EPHA6: variants seen among roughly 807,000 people sequenced by gnomAD.
EPHA6 encodes the protein EPH receptor A6.
Under a neutral mutation model 112.0 loss-of-function variants are expected in EPHA6, and 50 were observed. That is an observed-to-expected ratio of 0.45 (90% CI 0.36 to 0.56). The LOEUF is 0.56. Ranked by LOEUF, EPHA6 falls within the 20% of genes least tolerant of loss-of-function variation. The probability of loss-of-function intolerance (pLI) is 0.00; values close to 1 mark genes in which losing one functional copy is unlikely to be tolerated. For synonymous variants in EPHA6, 529 were observed against 490.7 expected, an observed-to-expected ratio of 1.08 and a Z score of -1.03; for missense variants, 1,280 against 1,417.4, an observed-to-expected ratio of 0.90 and a Z score of 1.56.
chr3:97,494,337 C>G (rs2091924592), intron 10 of EPHA6, among the ~76,000 whole-genome samples: 1 of 152,164 alleles, frequency 6.6e-6, no homozygotes, highest in Admixed American at 6.5e-5. Context: ...ACTTTCCTCG[C>G]AGTAAGTGAC....
intron 3 of EPHA6, among the ~76,000 whole-genome samples, chr3:97,134,005 A>G (rs558641936): frequency 1.3e-5 from 2 of 152,156 alleles, no homozygotes; most frequent in East Asian, 3.9e-4. Flanking sequence ...AACTAAAGGA[A>G]ATTGTTTTTG....
At chr3:97,168,561 C>G (rs2076600043) in intron 3 of EPHA6, among the ~76,000 whole-genome samples, 1 of 149,838 alleles carries the variant, frequency 6.7e-6, no homozygotes, top group African/African-American at 2.5e-5. Context: ...TTCTTTTTCT[C>G]TCTCTTTCTC....
chr3:97,626,386 A>T (rs2107520678), intron 13 of EPHA6, among the ~76,000 whole-genome samples: 1 of 151,886 alleles, frequency 6.6e-6, no homozygotes, highest in East Asian at 1.9e-4. Flanking sequence ...TGCTTATGTG[A>T]TTTTCTACAT....
At chr3:96,919,186 GA>G (rs1320594562) in intron 2 of EPHA6, among the ~76,000 whole-genome samples, 2 of 151,794 alleles carry the variant, frequency 1.3e-5, no homozygotes, top group African/African-American at 2.4e-5. Context: ...TTGCTATGTT[GA>G]ATGATATGTT....
intron 1 of EPHA6, among the ~76,000 whole-genome samples, chr3:96,821,308 G>A (rs971353128): frequency 1.3e-5 from 2 of 151,766 alleles, no homozygotes; most frequent in Non-Finnish European, 2.9e-5. Context: ...TCATATTCTG[G>A]AGATACTTCA....
chr3:97,001,539 A>C (rs1014483339), intron 3 of EPHA6, among the ~76,000 whole-genome samples: 3 of 152,002 alleles, frequency 2.0e-5, no homozygotes, highest in African/African-American at 4.8e-5. Context: ...CTATCAATTG[A>C]AAATTTGACT....
intron 3 of EPHA6, among the ~76,000 whole-genome samples, chr3:97,075,740 A>G (rs1029511206): frequency 1.3e-5 from 2 of 151,414 alleles, no homozygotes; most frequent in Admixed American, 6.6e-5. Flanking sequence ...GGTTGTGGCA[A>G]TCTTGCATAG....
intron 3 of EPHA6, among the ~76,000 whole-genome samples, chr3:97,034,366 A>G (rs2045001097): frequency 1.3e-5 from 2 of 151,858 alleles, no homozygotes; most frequent in South Asian, 2.1e-4. Flanking sequence ...GAGTTTTACA[A>G]TCTTTGCAAT....
chr3:97,287,170 A>C (rs1308745810), intron 5 of EPHA6, among the ~76,000 whole-genome samples: 4 of 152,072 alleles, frequency 2.6e-5, no homozygotes, highest in Non-Finnish European at 5.9e-5. Context: ...TTTATATGTA[A>C]AATTTTGTCA....
Position 97,731,528 on chromosome 3 carries a change from C to A in EPHA6, c.2935-4397C>A, listed in dbSNP as rs1217830724. Reference sequence around the variant, plus strand: ...GTGGTGCAAGACTCAGGACAGATTTCTCTACCATTACTGTGATCGAGAGGC... The same window carrying A: ...GTGGTGCAAGACTCAGGACAGATTTATCTACCATTACTGTGATCGAGAGGC... On this transcript the variant is annotated intron_variant, in intron 15 of 17. Transcript: ENST00000389672. Among the ~76,000 whole-genome samples the A allele has an allele frequency of 4.6e-5, 7 of 151,992 alleles. 1 individual carries two copies. Among genetic ancestry groups the A allele is most frequent in the Non-Finnish European group, 8.8e-5 (6 of 67,956 alleles).
intron 2 of EPHA6, among the ~76,000 whole-genome samples, chr3:96,935,455 C>A (rs908010991): frequency 2.0e-5 from 3 of 150,414 alleles, no homozygotes; most frequent in Non-Finnish European, 3.0e-5. Context: ...ATATATAAAA[C>A]TATTATAGGT....
At chr3:97,170,149 G>A (rs1249066214) in intron 3 of EPHA6, among the ~76,000 whole-genome samples, 1 of 151,692 alleles carries the variant, frequency 6.6e-6, no homozygotes, top group African/African-American at 2.4e-5. Context: ...AAAATAGAAG[G>A]AAACAATCAC....
At chr3:97,369,341 G>C (rs2084917668) in intron 5 of EPHA6, among the ~76,000 whole-genome samples, 1 of 152,206 alleles carries the variant, frequency 6.6e-6, no homozygotes, top group South Asian at 2.1e-4. Flanking sequence ...GTTCAGTCAA[G>C]ATGGAAAGGT....
intron 2 of EPHA6, among the ~76,000 whole-genome samples, chr3:96,903,208 C>T (rs910776390): frequency 6.6e-6 from 1 of 152,132 alleles, no homozygotes; most frequent in South Asian, 2.1e-4. Context: ...AGTACAAAGC[C>T]CTTCAAGCTC....
chr3:97,346,654 C>T lies in EPHA6; in HGVS notation c.1607-58496C>T, dbSNP rs191597206. Among the ~76,000 whole-genome samples, 331 of 147,712 alleles carry T rather than the reference C, an allele frequency of 2.2e-3. 3 individuals are homozygous for T. Among genetic ancestry groups the T allele is most frequent in the African/African-American group, 8.4e-3 (320 of 38,048 alleles). On this transcript the variant is annotated intron_variant, in intron 5 of 17. Transcript: ENST00000389672. ...TTACAAACATGACCCAACGTGTATA[C>T]ATCAGATGTTCAATTTTTTTTTTTT...
At chr3:97,205,002 A>G (rs888405254) in intron 3 of EPHA6, among the ~76,000 whole-genome samples, 1 of 152,114 alleles carries the variant, frequency 6.6e-6, no homozygotes, top group Non-Finnish European at 1.5e-5. Flanking sequence ...TTGGGCAATT[A>G]TAGGTTTGTA....
intron 5 of EPHA6, among the ~76,000 whole-genome samples, chr3:97,344,999 C>G (rs570115411): frequency 1.3e-5 from 2 of 151,488 alleles, no homozygotes; most frequent in African/African-American, 4.8e-5. Flanking sequence ...GAAGCCTGAG[C>G]AAGAGTGTAA....
At chr3:97,641,549 A>G (rs917015209) in intron 14 of EPHA6, among the ~76,000 whole-genome samples, 15 of 152,286 alleles carry the variant, frequency 9.8e-5, no homozygotes, top group African/African-American at 2.6e-4. Flanking sequence ...CTCACTAGGG[A>G]GTGCCAGACA....
intron 2 of EPHA6, among the ~76,000 whole-genome samples, chr3:96,937,161 T>G (rs1191426807): frequency 6.6e-6 from 1 of 152,180 alleles, no homozygotes; most frequent in East Asian, 1.9e-4. Flanking sequence ...TATTTCTAGT[T>G]CTAGATCCCT....
Sources: allele counts gnomAD v4.1 joint callset (sites outside exome capture counted in the v4.1 genomes callset), GRCh38; gene constraint gnomAD v4.1.1; transcripts MANE v1.5; gene names NCBI Gene and HGNC (gene_info 2026-07-23, HGNC 2026-07-21).